Variants in RAD51B observed in about 807,000 individuals in gnomAD.
The protein encoded by RAD51B is RAD51 paralog B, also known as DNA repair protein RAD51 homolog 2.
Under a neutral mutation model 42.2 loss-of-function variants are expected in RAD51B, and 38 were observed. That is an observed-to-expected ratio of 0.90 (90% confidence interval 0.70 to 1.18). The LOEUF (loss-of-function observed/expected upper bound fraction) is 1.18. RAD51B is among the 50% of genes most tolerant of loss of function. The probability of loss-of-function intolerance (pLI) is 0.00; values close to 1 mark genes in which losing one functional copy is unlikely to be tolerated. For missense variants in RAD51B, 373 were observed against 400.7 expected (o/e 0.93, Z 0.59); for synonymous variants, 154 against 145.2 (o/e 1.06, Z -0.43).
rs148536765 is a variant in RAD51B, at chr14:67,831,151, A to G, written c.199-3929A>G. Among the ~76,000 whole-genome samples the G allele has an allele frequency of 3.3e-3, 504 of 152,290 alleles. 3 individuals carry two copies. The highest frequency in any genetic ancestry group is 0.012 in the African/African-American group (481 of 41,562). ...CAGCCTCCCAAAGTGCCGGGATTAC[A>G]GGCGTGAACCACCGCCCCCGGCCAG... On this transcript the variant is annotated intron_variant, in intron 3 of 10. Transcript: ENST00000471583.
At chr14:68,644,568 C>A (rs1419302346) in intron 10 of RAD51B, among the ~76,000 whole-genome samples, 1 of 152,178 alleles carries the variant, frequency 6.6e-6, no homozygotes, top group East Asian at 1.9e-4. Flanking sequence ...CTTTTTGAAG[C>A]CCAAAAACCA....
At position 68,295,143 on chromosome 14, in the gene RAD51B, C is replaced by G. The variant is rs541864737; in HGVS notation, c.853+3163C>G. On this transcript the variant is annotated intron_variant, in intron 8 of 10. Coordinates refer to ENST00000471583, the MANE Select transcript of RAD51B (RefSeq NM_133510.4). ...TTTGCCCTCTCATTCCTTCTCAAGG[C>G]ACAAAGCTCAGGGGCAGGAGCAATG... Among the ~76,000 whole-genome samples, 37 of 152,314 alleles carry G rather than the reference C, an allele frequency of 2.4e-4. No individual in the cohort carries two copies. The South Asian group carries it at 7.0e-3, about 29-fold the overall frequency.
At chr14:68,380,160 G>A (rs1457624151) in intron 8 of RAD51B, among the ~76,000 whole-genome samples, 5 of 152,192 alleles carry the variant, frequency 3.3e-5, no homozygotes, top group African/African-American at 4.8e-5. Flanking sequence ...TGCTTAAAGT[G>A]TGTTTCTAAG....
At chr14:68,489,312 T>C (rs947579545) in intron 10 of RAD51B, among the ~76,000 whole-genome samples, 1 of 152,214 alleles carries the variant, frequency 6.6e-6, no homozygotes, top group Non-Finnish European at 1.5e-5. Context: ...TTTAGGCTCA[T>C]GAGTAGACTG....
At chr14:68,626,062 C>T (rs928237179) in intron 10 of RAD51B, among the ~76,000 whole-genome samples, 1 of 152,232 alleles carries the variant, frequency 6.6e-6, no homozygotes, top group Non-Finnish European at 1.5e-5. Flanking sequence ...GCAGTTATCC[C>T]CCGTATTTAT....
At chr14:67,999,361 A>G (rs957476891) in intron 7 of RAD51B, among the ~76,000 whole-genome samples, 1 of 152,172 alleles carries the variant, frequency 6.6e-6, no homozygotes, top group Non-Finnish European at 1.5e-5. Context: ...GCAGCACTAG[A>G]GTGCTATATG....
At chr14:67,971,028 A>T (rs10132711) in intron 7 of RAD51B, among the ~76,000 whole-genome samples, 9,093 of 152,098 alleles carry the variant, frequency 0.06, 638 homozygotes, top group African/African-American at 0.17. Flanking sequence ...GCTATTAAAG[A>T]TTATAATTTT....
intron 7 of RAD51B, among the ~76,000 whole-genome samples, chr14:68,240,484 T>G (rs1436196034): frequency 1.3e-5 from 2 of 152,234 alleles, no homozygotes; most frequent in African/African-American, 4.8e-5. Flanking sequence ...TGATTCTTTA[T>G]CTAACGAAAG....
intron 10 of RAD51B, among the ~76,000 whole-genome samples, chr14:68,584,182 C>T (rs966835264): frequency 2.0e-5 from 3 of 152,168 alleles, no homozygotes; most frequent in Non-Finnish European, 2.9e-5. Flanking sequence ...TTCCTCCTCA[C>T]ACTCCCTGAC....
At chr14:68,180,692 T>G (rs1271485484) in intron 7 of RAD51B, among the ~76,000 whole-genome samples, 4 of 152,180 alleles carry the variant, frequency 2.6e-5, no homozygotes, top group Non-Finnish European at 2.9e-5. Flanking sequence ...ATGATCTGCT[T>G]CTCTAAGTAG....
At chr14:67,884,559 C>G (rs915199298) in intron 5 of RAD51B, among the ~76,000 whole-genome samples, 1 of 152,158 alleles carries the variant, frequency 6.6e-6, no homozygotes, top group Non-Finnish European at 1.5e-5. Flanking sequence ...ACACTTTTCC[C>G]CCAAACCCTC....
At chr14:68,549,568 A>AT (rs1888421876) in intron 10 of RAD51B, among the ~76,000 whole-genome samples, 1 of 150,070 alleles carries the variant, frequency 6.7e-6, no homozygotes, top group Non-Finnish European at 1.5e-5. Flanking sequence ...GGCGCGCGCC[A>AT]CCATGCCCGG....
At chr14:68,045,877 A>G (rs959450700) in intron 7 of RAD51B, among the ~76,000 whole-genome samples, 11 of 152,034 alleles carry the variant, frequency 7.2e-5, no homozygotes, top group African/African-American at 2.7e-4. Context: ...AGGGTTTAAA[A>G]TTACTATATT....
intron 7 of RAD51B, among the ~76,000 whole-genome samples, chr14:67,997,859 G>T (rs756403321): frequency 1.3e-5 from 2 of 151,898 alleles, no homozygotes; most frequent in Admixed American, 6.6e-5. Flanking sequence ...TATCTTTCTC[G>T]TGCCAAATCT....
intron 9 of RAD51B, among the ~76,000 whole-genome samples, chr14:68,441,772 A>G (rs188599029): frequency 6.6e-6 from 1 of 152,308 alleles, no homozygotes; most frequent in African/African-American, 2.4e-5. Flanking sequence ...GATCTAGAAG[A>G]TGATTTCACT....
chr14:68,055,744 A>G (rs900156155), intron 7 of RAD51B, among the ~76,000 whole-genome samples: 2 of 152,202 alleles, frequency 1.3e-5, no homozygotes, highest in African/African-American at 4.8e-5. Context: ...TTGACTGAGC[A>G]TGGAAGATCT....
At chr14:67,879,861 T>C (rs1595052721) in intron 5 of RAD51B, among the ~76,000 whole-genome samples, 2 of 152,166 alleles carry the variant, frequency 1.3e-5, no homozygotes, top group African/African-American at 2.4e-5. Context: ...ATTAAAGATA[T>C]GCTTCTTTGA....
At chr14:68,083,615 A>G (rs1479326539) in intron 7 of RAD51B, among the ~76,000 whole-genome samples, 2 of 152,210 alleles carry the variant, frequency 1.3e-5, no homozygotes, top group African/African-American at 2.4e-5. Context: ...GAAAAAAGCC[A>G]TTAGAACTGA....
intron 7 of RAD51B, among the ~76,000 whole-genome samples, chr14:68,142,139 G>A (rs2078142304): frequency 6.6e-6 from 1 of 151,748 alleles, no homozygotes; most frequent in African/African-American, 2.4e-5. Context: ...AGTTAATGAA[G>A]TGTTTTTTTT....
Sources: gnomAD v4.1 joint callset for allele counts (sites outside exome capture counted in the v4.1 genomes callset) on GRCh38, gnomAD v4.1.1 for gene constraint, MANE v1.5 for transcripts, NCBI Gene and HGNC (gene_info 2026-07-23, HGNC 2026-07-21) for gene names.